Variants in NRXN1 observed in about 807,000 individuals in gnomAD.
NRXN1 encodes neurexin-1.
A neutral mutation model predicts 150.9 loss-of-function variants in NRXN1; 39 were observed. The observed-to-expected ratio is 0.26, with a 90% CI of 0.20 to 0.34. The LOEUF is 0.34. NRXN1 is among the 10% of genes least tolerant of loss of function. The pLI, the probability that NRXN1 is intolerant of heterozygous loss-of-function variation, is 1.00. For missense variants in NRXN1, 1,815 were observed against 1,949.9 expected, an observed-to-expected ratio of 0.93 and a Z score of 1.30; for synonymous variants, 924 against 757.0, an observed-to-expected ratio of 1.22 and a Z score of -3.62.
Position 51,013,375 on chromosome 2 carries a change from G to A in NRXN1, c.772+14127C>T, listed in dbSNP as rs1415981475. ...CTGGGGGAAGTAATTCATGGGCCAAGTGTTCTGTAACAGTTGGTGACATAT... is the reference window on the plus strand; with the variant it reads ...CTGGGGGAAGTAATTCATGGGCCAAATGTTCTGTAACAGTTGGTGACATAT... On this transcript the variant is annotated intron_variant, in intron 2 of 22. Coordinates refer to ENST00000401669, the MANE Select transcript of NRXN1 (RefSeq NM_001330078.2). Among the ~76,000 whole-genome samples, 3 of 152,034 alleles carry A rather than the reference G, an allele frequency of 2.0e-5. No homozygotes were observed. In the East Asian group the frequency reaches 5.9e-4, roughly 30 times the overall value.
chr2:50,082,616 CA>C, intron 19 of NRXN1, among the ~76,000 whole-genome samples: 1 of 152,210 alleles, frequency 6.6e-6, no homozygotes, highest in South Asian at 2.1e-4. Context: ...ACTCGCAAAA[CA>C]GAATAAATTT....
At chr2:50,785,003 G>C (rs988374295) in intron 5 of NRXN1, among the ~76,000 whole-genome samples, 11 of 152,054 alleles carry the variant, frequency 7.2e-5, no homozygotes, top group African/African-American at 2.7e-4. Flanking sequence ...GGACTTTAAA[G>C]TTGTAATTAG....
chr2:50,416,115 G>A (rs1208678561), intron 17 of NRXN1, among the ~76,000 whole-genome samples: 1 of 152,048 alleles, frequency 6.6e-6, no homozygotes, highest in Non-Finnish European at 1.5e-5. Context: ...TTATACTTCA[G>A]TGGAGACAGA....
intron 5 of NRXN1, among the ~76,000 whole-genome samples, chr2:50,656,734 T>C (rs903599542): frequency 6.6e-6 from 1 of 150,990 alleles, no homozygotes; most frequent in South Asian, 2.1e-4. Context: ...TGAAGCATAG[T>C]AGCAGCTTAC....
At chr2:50,358,082 C>G (rs898243632) in intron 17 of NRXN1, among the ~76,000 whole-genome samples, 1 of 152,174 alleles carries the variant, frequency 6.6e-6, no homozygotes, top group Non-Finnish European at 1.5e-5. Context: ...TCTTCACCAC[C>G]GACAGACCAG....
intron 2 of NRXN1, among the ~76,000 whole-genome samples, chr2:51,006,755 T>C (rs927251261): frequency 3.9e-5 from 6 of 151,918 alleles, no homozygotes; most frequent in South Asian, 2.1e-4. Context: ...TCTAAGTTAT[T>C]TGTAGTTCTT....
intron 19 of NRXN1, among the ~76,000 whole-genome samples, chr2:50,072,011 T>A (rs1323987497): frequency 6.6e-6 from 1 of 152,212 alleles, no homozygotes; most frequent in African/African-American, 2.4e-5. Context: ...ATTTTTTGCA[T>A]GACTAAAACT....
chr2:50,265,225 A>G (rs2068714587), intron 17 of NRXN1, among the ~76,000 whole-genome samples: 1 of 152,260 alleles, frequency 6.6e-6, no homozygotes, highest in Non-Finnish European at 1.5e-5. Context: ...CTGGTAAAAA[A>G]GTCTTGGGCA....
chr2:50,168,184 T>C (rs1280295197), intron 18 of NRXN1, among the ~76,000 whole-genome samples: 1 of 152,154 alleles, frequency 6.6e-6, no homozygotes, highest in Non-Finnish European at 1.5e-5. Context: ...ATGTTCATGA[T>C]GGACTGAGAG....
intron 17 of NRXN1, among the ~76,000 whole-genome samples, chr2:50,382,442 C>T (rs1558636931): frequency 1.3e-5 from 2 of 152,116 alleles, no homozygotes; most frequent in Admixed American, 1.3e-4. Flanking sequence ...TATCATGGGA[C>T]GTCAGAGGGA....
At chr2:49,969,125 T>G (rs936796028) in intron 21 of NRXN1, among the ~76,000 whole-genome samples, 1 of 152,218 alleles carries the variant, frequency 6.6e-6, no homozygotes, top group South Asian at 2.1e-4. Flanking sequence ...CCGGCCAAAT[T>G]TTTGGCTTGC....
At chr2:51,019,316 A>T (rs1039705181) in intron 2 of NRXN1, among the ~76,000 whole-genome samples, 1 of 152,148 alleles carries the variant, frequency 6.6e-6, no homozygotes, top group Non-Finnish European at 1.5e-5. Flanking sequence ...ATCAAGTAGG[A>T]CTATGGTAAG....
At chr2:50,795,078 C>T (rs181152005) in intron 5 of NRXN1, among the ~76,000 whole-genome samples, 1 of 152,208 alleles carries the variant, frequency 6.6e-6, no homozygotes, top group East Asian at 1.9e-4. Context: ...TAACTACATG[C>T]TTAGTAGTTA....
intron 18 of NRXN1, among the ~76,000 whole-genome samples, chr2:50,193,339 C>A (rs1019938359): frequency 2.0e-5 from 3 of 152,170 alleles, no homozygotes; most frequent in African/African-American, 7.2e-5. Flanking sequence ...TTAGAGCCTA[C>A]GAGTGTTCTG....
intron 17 of NRXN1, among the ~76,000 whole-genome samples, chr2:50,415,869 G>T (rs2083497217): frequency 6.6e-6 from 1 of 150,512 alleles, no homozygotes; most frequent in African/African-American, 2.5e-5. Context: ...ACTCTGTAGA[G>T]GCTTGTAGTT....
At chr2:50,041,943 T>G (rs1406823396) in intron 21 of NRXN1, among the ~76,000 whole-genome samples, 1 of 152,158 alleles carries the variant, frequency 6.6e-6, no homozygotes, top group East Asian at 1.9e-4. Context: ...CCCGTCTCTT[T>G]TCCTTTTAGG....
At chr2:50,787,777 T>A (rs1302886913) in intron 5 of NRXN1, among the ~76,000 whole-genome samples, 1 of 151,730 alleles carries the variant, frequency 6.6e-6, no homozygotes, top group African/African-American at 2.4e-5. Flanking sequence ...GAGTTAGTTG[T>A]TTTTCCTGAG....
chr2:50,090,081 A>T (rs1264067946), intron 19 of NRXN1, among the ~76,000 whole-genome samples: 1 of 152,222 alleles, frequency 6.6e-6, no homozygotes, highest in East Asian at 1.9e-4. Flanking sequence ...CTTGCTTCCT[A>T]ACTTTGTCAT....
chr2:50,869,847 T>C (rs1677495050), intron 5 of NRXN1, among the ~76,000 whole-genome samples: 1 of 151,842 alleles, frequency 6.6e-6, no homozygotes, highest in Non-Finnish European at 1.5e-5. Flanking sequence ...TAATTGACAA[T>C]TTAAGGCATT....
Sources: allele counts gnomAD v4.1 joint callset (sites outside exome capture counted in the v4.1 genomes callset), GRCh38; gene constraint gnomAD v4.1.1; transcripts MANE v1.5; gene names NCBI Gene and HGNC (gene_info 2026-07-23, HGNC 2026-07-21).